Variants in WWOX observed in about 807,000 individuals in gnomAD.
WWOX encodes the protein WW domain containing oxidoreductase.
Under a neutral mutation model 46.2 loss-of-function variants are expected in WWOX, and 69 were observed. That is an observed-to-expected ratio of 1.49 (90% CI 1.23 to 1.82). The LOEUF (loss-of-function observed/expected upper bound fraction) is 1.82, where lower values mean the gene tolerates loss of function less well. Ranked by LOEUF, WWOX falls within the 40% of genes most tolerant of loss-of-function variation. The pLI, the probability that WWOX is intolerant of heterozygous loss-of-function variation, is 0.00. For missense variants in WWOX, 919 were observed against 542.6 expected (o/e 1.69, Z -6.89); for synonymous variants, 359 against 202.6 (o/e 1.77, Z -6.56).
intron 8 of WWOX, among the ~76,000 whole-genome samples, chr16:78,672,871 G>T (rs1597425761): frequency 6.6e-6 from 1 of 152,170 alleles, no homozygotes; most frequent in Non-Finnish European, 1.5e-5. Flanking sequence ...CTTGGTGATG[G>T]ATAGAAAAAG....
chr16:78,210,461 A>C (rs1396438734), intron 5 of WWOX, among the ~76,000 whole-genome samples: 2 of 152,080 alleles, frequency 1.3e-5, no homozygotes, highest in Non-Finnish European at 2.9e-5. Context: ...TAATTTACCC[A>C]CAGTTGAAAC....
At chr16:78,263,008 T>C (rs2079278575) in intron 5 of WWOX, among the ~76,000 whole-genome samples, 1 of 152,204 alleles carries the variant, frequency 6.6e-6, no homozygotes. Context: ...CAGGGCATGC[T>C]CTGTCTCCAT....
chr16:78,669,522 A>C (rs905450777), intron 8 of WWOX, among the ~76,000 whole-genome samples: 1 of 152,220 alleles, frequency 6.6e-6, no homozygotes, highest in Non-Finnish European at 1.5e-5. Flanking sequence ...TACAATCCAT[A>C]GGACAGTACC....
At chr16:79,036,397 C>T (rs1301107541) in intron 8 of WWOX, among the ~76,000 whole-genome samples, 2 of 152,336 alleles carry the variant, frequency 1.3e-5, no homozygotes, top group East Asian at 1.9e-4. Flanking sequence ...CCCATTCTTG[C>T]CTCATAGAAT....
At chr16:78,930,751 A>C (rs1256417222) in intron 8 of WWOX, among the ~76,000 whole-genome samples, 1 of 152,126 alleles carries the variant, frequency 6.6e-6, no homozygotes, top group East Asian at 1.9e-4. Context: ...AACTCACTGA[A>C]AAGTCCTGGC....
intron 8 of WWOX, among the ~76,000 whole-genome samples, chr16:78,524,540 C>T (rs546869721): frequency 6.6e-6 from 1 of 151,910 alleles, no homozygotes; most frequent in Admixed American, 6.6e-5. Flanking sequence ...TCTACCTCAG[C>T]CTCCCGAGTA....
At chr16:78,580,663 A>T (rs959123237) in intron 8 of WWOX, among the ~76,000 whole-genome samples, 1 of 152,214 alleles carries the variant, frequency 6.6e-6, no homozygotes, top group African/African-American at 2.4e-5. Context: ...TTGTAACACT[A>T]TCTTGTTTGC....
intron 8 of WWOX, among the ~76,000 whole-genome samples, chr16:79,019,188 A>AAAAAAAAAAAAAAAAG (rs2047480961): frequency 3.3e-5 from 2 of 60,936 alleles, no homozygotes; most frequent in Non-Finnish European, 3.4e-5. Flanking sequence ...AAAAAAAAGA[A>AAAAAAAAAAAAAAAAG]AAAAAAAAGT....
At chr16:78,791,661 T>C (rs1042955308) in intron 8 of WWOX, among the ~76,000 whole-genome samples, 4 of 152,202 alleles carry the variant, frequency 2.6e-5, no homozygotes, top group East Asian at 3.9e-4. Context: ...GTGGATCACC[T>C]GAGGTCAGAA....
chr16:79,052,224 A>G (rs528234412), intron 8 of WWOX, among the ~76,000 whole-genome samples: 14 of 136,064 alleles, frequency 1.0e-4, no homozygotes, highest in East Asian at 6.4e-4. Context: ...AGAGTGTGAT[A>G]TTCCCCTTCC....
intron 8 of WWOX, among the ~76,000 whole-genome samples, chr16:78,801,190 C>G (rs2050876216): frequency 6.6e-6 from 1 of 151,796 alleles, no homozygotes; most frequent in African/African-American, 2.4e-5. Context: ...GTTTCTACCT[C>G]ATTAAAACAA....
At chr16:78,333,238 C>A (rs748351358) in intron 5 of WWOX, among the ~76,000 whole-genome samples, 1 of 151,370 alleles carries the variant, frequency 6.6e-6, no homozygotes, top group African/African-American at 2.4e-5. Flanking sequence ...TTGGTAGAGA[C>A]GGCGTTTCAC....
At chr16:78,283,542 C>G (rs1243486732) in intron 5 of WWOX, among the ~76,000 whole-genome samples, 1 of 152,084 alleles carries the variant, frequency 6.6e-6, no homozygotes, top group African/African-American at 2.4e-5. Flanking sequence ...TGTTTCCTTG[C>G]TGGCCTTACT....
chr16:79,035,963 C>T (rs1206767809), intron 8 of WWOX, among the ~76,000 whole-genome samples: 3 of 152,230 alleles, frequency 2.0e-5, no homozygotes. Context: ...GCCTACATTG[C>T]CACCAGCATC....
chr16:78,178,538 C>G (rs377643554), intron 5 of WWOX, among the ~76,000 whole-genome samples: 94 of 152,278 alleles, frequency 6.2e-4, no homozygotes, highest in African/African-American at 2.2e-3. Context: ...AGACCACATC[C>G]TTTCATACCC....
chr16:79,105,975 G>A (rs1443611838), intron 8 of WWOX: 2 of 152,188 alleles, frequency 1.3e-5, no homozygotes, highest in African/African-American at 4.8e-5. Context: ...ACTGGGCCAG[G>A]AATATCTTTC....
At chr16:78,936,009 G>T (rs1375418526) in intron 8 of WWOX, among the ~76,000 whole-genome samples, 1 of 152,146 alleles carries the variant, frequency 6.6e-6, no homozygotes, top group Non-Finnish European at 1.5e-5. Flanking sequence ...GGATGCTGAA[G>T]TTCTGCCAAC....
intron 8 of WWOX, among the ~76,000 whole-genome samples, chr16:78,852,291 C>G (rs2052463076): frequency 6.6e-6 from 1 of 152,140 alleles, no homozygotes; most frequent in Non-Finnish European, 1.5e-5. Context: ...TCCTGTGTAA[C>G]CTACAGGGGG....
At chr16:78,501,345 C>T (rs1456762656) in intron 8 of WWOX, among the ~76,000 whole-genome samples, 1 of 151,806 alleles carries the variant, frequency 6.6e-6, no homozygotes, top group South Asian at 2.1e-4. Flanking sequence ...TTCAGATTTT[C>T]AAGAGCTTAA....
Sources: gnomAD v4.1 joint callset for allele counts (sites outside exome capture counted in the v4.1 genomes callset) on GRCh38, gnomAD v4.1.1 for gene constraint, MANE v1.5 for transcripts, NCBI Gene and HGNC (gene_info 2026-07-23, HGNC 2026-07-21) for gene names.